The following RAD17 variants were observed in gnomAD, a reference collection of about 807,000 sequenced individuals.
The protein encoded by RAD17 is RAD17 checkpoint clamp loader component, also known as cell cycle checkpoint protein RAD17.
RAD17 carries 31 observed loss-of-function variants against 81.5 expected under a neutral mutation model. That is an observed-to-expected ratio of 0.38 (90% CI 0.29 to 0.51). The LOEUF (loss-of-function observed/expected upper bound fraction) is 0.51. Ranked by LOEUF, RAD17 falls within the 20% of genes least tolerant of loss-of-function variation. The pLI, the probability that RAD17 is intolerant of heterozygous loss-of-function variation, is 0.88. For missense variants in RAD17, 681 were observed against 781.2 expected (o/e 0.87, Z 1.53); for synonymous variants, 261 against 266.2 (o/e 0.98, Z 0.19).
At chr5:69,374,182 A>C in intron 5 of RAD17, 95 bp downstream of exon 5, 1 of 1,122,578 alleles carries the variant, frequency 8.9e-7, no homozygotes, top group Non-Finnish European at 1.3e-6. Flanking sequence ...CAGATTTTTT[A>C]CTCATAAGAA....
rs1350734831 is a variant in RAD17, at chr5:69,381,698, AAG to A, written c.352-202_352-201del. ...TATTTGCAGATGTTTTTGTATGGAAAAGGGGGGAAAAAGGCAATTTTTAAAAA... is the reference window on the plus strand; with the variant it reads ...TATTTGCAGATGTTTTTGTATGGAAAGGGGGAAAAAGGCAATTTTTAAAAA... On this transcript the variant is annotated intron_variant, in intron 6 of 18. Coordinates refer to ENST00000354868, the MANE Select transcript of RAD17 (RefSeq NM_133338.3). Among the ~76,000 whole-genome samples the A allele has an allele frequency of 7.2e-5, 11 of 152,286 alleles. No homozygotes were observed. The East Asian group carries it at 2.1e-3, about 29-fold the overall frequency.
chr5:69,378,481 C>G (rs1763647114), intron 6 of RAD17, among the ~76,000 whole-genome samples: 1 of 152,156 alleles, frequency 6.6e-6, no homozygotes, highest in African/African-American at 2.4e-5. Flanking sequence ...AATGCCTGTG[C>G]ATAGGCTTCT....
chr5:69,394,314 G>C (rs761663741), intron 15 of RAD17, among the ~76,000 whole-genome samples: 17 of 148,714 alleles, frequency 1.1e-4, no homozygotes, highest in Non-Finnish European at 2.2e-4. Context: ...TGCCTGCCCT[G>C]GCCTCTCAAA....
chr5:69,396,658 A>G (rs1323628595), intron 16 of RAD17, 112 bp downstream of exon 16: 23 of 1,169,618 alleles, frequency 2.0e-5, no homozygotes, highest in Non-Finnish European at 1.1e-6. Context: ...AAAATATTTC[A>G]TTTTTAATAA....
At chr5:69,372,800 G>T (rs1310163512) in intron 4 of RAD17, among the ~76,000 whole-genome samples, 2 of 151,818 alleles carry the variant, frequency 1.3e-5, no homozygotes, top group African/African-American at 4.8e-5. Flanking sequence ...TTGTAGAGTT[G>T]GGGTCTCCCT....
At chr5:69,413,354 G>A (rs897201392) in intron 18 of RAD17, among the ~76,000 whole-genome samples, 7 of 152,116 alleles carry the variant, frequency 4.6e-5, no homozygotes, top group Non-Finnish European at 8.8e-5. Flanking sequence ...CAGGAGAATC[G>A]CTTGAACCTG....
At chr5:69,369,764 G>A (rs1762801936), upstream of RAD17, 2 of 1,470,368 alleles carry the variant, frequency 1.4e-6, no homozygotes, top group Admixed American at 4.0e-5. Context: ...ACACTCCTTC[G>A]GTGGTCCCCG....
chr5:69,389,332 G>A (rs1047656139), intron 12 of RAD17, among the ~76,000 whole-genome samples, 187 bp downstream of exon 12: 1 of 152,152 alleles, frequency 6.6e-6, no homozygotes, highest in African/African-American at 2.4e-5. Flanking sequence ...ATATGTCGTA[G>A]TATATATCCT....
At chr5:69,410,999 T>TATATATATATATA (rs1765961124) in intron 18 of RAD17, among the ~76,000 whole-genome samples, 1 of 38,238 alleles carries the variant, frequency 2.6e-5, no homozygotes, top group South Asian at 7.5e-4. Context: ...ATATATATAC[T>TATATATATATATA]GTTCATTTTA....
intron 13 of RAD17, 64 bp from the exon 14 acceptor site, chr5:69,393,091 A>G: frequency 9.0e-7 from 1 of 1,108,166 alleles, no homozygotes; most frequent in South Asian, 1.5e-5. Context: ...AACTCTTCAA[A>G]TGAGAGGTGC....
At chr5:69,377,702 T>TC (rs1283897299) in intron 6 of RAD17, among the ~76,000 whole-genome samples, 3 of 96,510 alleles carry the variant, frequency 3.1e-5, no homozygotes, top group Admixed American at 1.2e-4. Context: ...TATACATATA[T>TC]ATATGTATTG....
At chr5:69,376,427 G>A (rs1449803860) in intron 6 of RAD17, among the ~76,000 whole-genome samples, 1 of 152,194 alleles carries the variant, frequency 6.6e-6, no homozygotes, top group Non-Finnish European at 1.5e-5. Context: ...TAGTTACCTT[G>A]AAATACATTT....
intron 17 of RAD17, among the ~76,000 whole-genome samples, chr5:69,404,431 A>G (rs536664057): frequency 9.2e-5 from 14 of 152,314 alleles, no homozygotes; most frequent in South Asian, 2.1e-4. Context: ...AAAACAGGCA[A>G]TTCCAGCCTG....
chr5:69,370,706 C>T (rs1248160510), intron 1 of RAD17: 1 of 153,382 alleles, frequency 6.5e-6, no homozygotes, highest in Non-Finnish European at 1.5e-5. Context: ...TTTTTTTCCA[C>T]CTGTATACCT....
chr5:69,373,929 A>G lies in RAD17; in HGVS notation c.109A>G (p.Arg37Gly). The G allele has an allele frequency of 1.2e-6, 2 of 1,613,174 alleles. No homozygotes were observed. The highest frequency in any genetic ancestry group is 1.7e-6 in the Non-Finnish European group (2 of 1,179,310). ...TSLGVNNSSH[R>G]RKNGPSTLES... ...ATTAGGTGTGAATAACTCAAGTCAT[A>G]GAAGAAAAAATGGGCCTTCTACATT... Residue 37 changes from arginine to glycine, a missense_variant, in exon 5 of 19, where the codon AGA becomes GGA. Transcript: ENST00000354868.
Position 69,414,542 on chromosome 5 carries a change from G to T in RAD17, c.*250G>T. 1.9e-6 allele frequency: 1 copy of T among 537,736 alleles called. No individual in the cohort carries two copies. The highest frequency in any genetic ancestry group is 3.3e-6 in the Non-Finnish European group (1 of 306,284). 33.3% of individuals were successfully genotyped at this position (537,736 alleles called of 1,614,324 possible). A position where few individuals can be genotyped will look rare whatever the true frequency, so the allele number is the denominator to read the frequency against. ...GAGTGGTTTAAGGAGCGGTCAGTGT[G>T]TATAAAGTGTGTTTGAACATTATGC... On this transcript the variant is annotated 3_prime_UTR_variant, in exon 19 of 19. Transcript: ENST00000354868.
chr5:69,375,933 CACACTGGAT>C (rs2150773410), intron 6 of RAD17, among the ~76,000 whole-genome samples: 1 of 152,084 alleles, frequency 6.6e-6, no homozygotes, highest in East Asian at 1.9e-4. Flanking sequence ...GTAGAAGTCT[CACACTGGAT>C]TTGTTAGGTT....
chr5:69,396,802 A>G (rs1764922654), intron 16 of RAD17, among the ~76,000 whole-genome samples: 1 of 152,122 alleles, frequency 6.6e-6, no homozygotes. Context: ...TTTTATTGGA[A>G]TCAAAGCGTA....
intron 17 of RAD17, among the ~76,000 whole-genome samples, chr5:69,405,464 C>G (rs894111635): frequency 2.0e-5 from 3 of 150,372 alleles, no homozygotes; most frequent in Non-Finnish European, 4.4e-5. Flanking sequence ...GTCGGGAGTT[C>G]GAGACTAGCC....
Sources: gnomAD v4.1 joint callset for allele counts (sites outside exome capture counted in the v4.1 genomes callset) on GRCh38, gnomAD v4.1.1 for gene constraint, MANE v1.5 for transcripts, NCBI Gene and HGNC (gene_info 2026-07-23, HGNC 2026-07-21) for gene names.